Variants in TSKS observed in about 807,000 individuals in gnomAD.
TSKS encodes the protein testis-specific serine kinase substrate.
TSKS carries 27 observed loss-of-function variants against 68.0 expected under a neutral mutation model. The ratio of observed to expected loss-of-function variants is 0.40; its 90% CI spans 0.29 to 0.55. TSKS has a LOEUF of 0.55. Ranked by LOEUF, TSKS falls within the 20% of genes least tolerant of loss-of-function variation. The probability of loss-of-function intolerance (pLI) is 0.53; values close to 1 mark genes in which losing one functional copy is unlikely to be tolerated. For missense variants in TSKS, 806 were observed against 776.0 expected (o/e 1.04, Z -0.46); for synonymous variants, 331 against 340.4 (o/e 0.97, Z 0.30).
intron 2 of TSKS, among the ~76,000 whole-genome samples, chr19:49,757,892 T>TC (rs1305434037): frequency 1.1e-5 from 1 of 93,372 alleles, no homozygotes; most frequent in African/African-American, 5.5e-5. Flanking sequence ...TCTGTCTTCT[T>TC]TTTTTTTTTT....
In TSKS at chr19:49,762,425, CTT is replaced by C. The variant is rs34463626; in HGVS notation, c.171-195_171-194del. ...TACTTTCTTTCTTTTTTCTTTCTTT[CTT>C]TTTTTTTTTTTTTTGAGACAGAGTC... On this transcript the variant is annotated intron_variant, in intron 1 of 10. Coordinates refer to ENST00000246801, the MANE Select transcript of TSKS (RefSeq NM_021733.2). Among the ~76,000 whole-genome samples, 754 of 127,168 alleles carry C rather than the reference CTT, an allele frequency of 5.9e-3. 2 individuals carry two copies. The highest frequency in any genetic ancestry group is 8.5e-3 in the Non-Finnish European group (496 of 58,236). The allele number at this position is 127,168 out of a possible 152,430, so 83.4% of individuals were successfully genotyped here. A position where few individuals can be genotyped will look rare whatever the true frequency, so the allele number is the denominator to read the frequency against.
At chr19:49,760,351 C>T (rs1448939698) in intron 2 of TSKS, among the ~76,000 whole-genome samples, 1 of 151,456 alleles carries the variant, frequency 6.6e-6, no homozygotes. Context: ...GACAGACTCT[C>T]GCTGTGTCGC....
intron 2 of TSKS, 63 bp downstream of exon 2, chr19:49,761,941 T>G: frequency 2.4e-5 from 32 of 1,358,718 alleles, no homozygotes; most frequent in Middle Eastern, 2.5e-4. Flanking sequence ...CCGTCCTAAG[T>G]ATTTGCTACC....
Position 49,745,243 on chromosome 19 carries a change from G to A in TSKS, c.1146C>T (p.Asp382=). Residue 382 remains aspartate, a synonymous_variant, in exon 7 of 11, where the codon GAC becomes GAT. Transcript: ENST00000246801. ...CCGCCCGACCTCGCAGCTCCTGCAA[G>A]TCCCGCGCCGTCTGTGCCTGTTCGC... is the stretch of plus-strand genomic sequence containing the variant. ...AQREQAQTAR[D]LQELRGRADE... is the part of the protein sequence containing the mutation. 1.9e-6 allele frequency: 3 copies of A among 1,607,584 alleles called. No individual in the cohort carries two copies. Among genetic ancestry groups the A allele is most frequent in the Non-Finnish European group, 2.5e-6 (3 of 1,178,512 alleles).
In TSKS at chr19:49,745,311, C is replaced by G; in HGVS notation, c.1078G>C (p.Gly360Arg). 1 of 1,604,328 alleles carries G rather than the reference C, an allele frequency of 6.2e-7. No individual in the cohort carries two copies. The highest frequency in any genetic ancestry group is 8.5e-7 in the Non-Finnish European group (1 of 1,179,246). ...EALRLLGGLG[G>R]RVDGFLGQWE... ...TGGCCTAGGAAGCCGTCGACCCTGC[C>G]GCCCAGGCCCCCGAGCAGCCGCAGG... Residue 360 changes from glycine to arginine, a missense_variant, in exon 7 of 11, where the codon GGC (glycine) becomes CGC (arginine). By Grantham distance (125) the Gly-to-Arg change is moderately radical. Transcript: ENST00000246801.
chr19:49,746,732 G>T lies in TSKS; in HGVS notation c.730C>A (p.Gln244Lys). Reference sequence around the variant, plus strand: ...GGCTCCTGCTTCTCCTCCGGCTCCTGCAGCTCGGCCTCCTGCCGTCGCGGC... The same window carrying T: ...GGCTCCTGCTTCTCCTCCGGCTCCTTCAGCTCGGCCTCCTGCCGTCGCGGC... ...ETPRRQEAEL[Q>K]EPEEKQEPEE... is the part of the protein sequence containing the mutation. The change falls in exon 6 of 11, where the codon CAG (glutamine) becomes AAG (lysine). Residue 244 changes from glutamine to lysine, a missense_variant. Gln to Lys is a moderately conservative substitution (Grantham distance 53, BLOSUM62 1). Transcript: ENST00000246801. The T allele has an allele frequency of 6.2e-7, 1 of 1,601,968 alleles. No individual in the cohort carries two copies. Among genetic ancestry groups the T allele is most frequent in the South Asian group, 1.1e-5 (1 of 90,918 alleles).
chr19:49,745,188 G>GC lies in TSKS; in HGVS notation c.1187+13dup. The stretch of plus-strand genomic sequence containing the variant: ...CCCCTTCCGGTCTTCCCATGCACTG[G>GC]CCCCAATCCTCACATGGTGCACAGC... On this transcript the variant is annotated intron_variant, in intron 7 of 10. Coordinates refer to ENST00000246801, the MANE Select transcript of TSKS (RefSeq NM_021733.2). 6.4e-7 allele frequency: 1 copy of GC among 1,564,948 alleles called. No individual in the cohort carries two copies. Among genetic ancestry groups the GC allele is most frequent in the Non-Finnish European group, 8.7e-7 (1 of 1,150,174 alleles).
chr19:49,759,366 G>A (rs538751910), intron 2 of TSKS, among the ~76,000 whole-genome samples: 207 of 151,752 alleles, frequency 1.4e-3, no homozygotes, highest in African/African-American at 4.8e-3. Flanking sequence ...CTACTCGGGA[G>A]GCTGAGGCAG....
chr19:49,762,213 G>A lies in TSKS; in HGVS notation c.190C>T (p.His64Tyr), dbSNP rs2084448389. Residue 64 changes from histidine to tyrosine, a missense_variant, in exon 2 of 11, where the codon CAT becomes TAT. Physicochemically the swap from His to Tyr is moderately conservative, Grantham distance 83. Coordinates refer to ENST00000246801, the MANE Select transcript of TSKS (RefSeq NM_021733.2). ...TTCAGGCACCAGTGCATGGGCTGAT[G>A]GGACATCTGGGGCTCCACCCTGCAG... The part of the protein sequence containing the change: ...SFHGVEPQMS[H>Y]QPMHWCLNLK... The A allele has an allele frequency of 1.2e-6, 2 of 1,613,804 alleles. No individual in the cohort carries two copies. Among genetic ancestry groups the A allele is most frequent in the Non-Finnish European group, 1.7e-6 (2 of 1,179,986 alleles).
intron 2 of TSKS, among the ~76,000 whole-genome samples, chr19:49,755,417 G>A (rs140984732): frequency 6.8e-4 from 103 of 152,174 alleles, no homozygotes; most frequent in Admixed American, 1.5e-3. Flanking sequence ...TCCAGGGGCC[G>A]GGCCAAGTGA....
rs746682196 is a variant in TSKS, at chr19:49,742,019, G to T, written c.1363C>A (p.Gln455Lys). Residue 455 changes from glutamine to lysine, a missense_variant and splice_region_variant, in exon 9 of 11, where the codon CAG becomes AAG. Transcript: ENST00000246801. ...GACTCCGTAGACAACTGCGACCCCT[G>T]GCTGGGGGAGGGGCGGTCACCAGAT... Reference protein sequence around the residue: ...HQGNCARCASQGSQLSTESLQ... With the variant: ...HQGNCARCASKGSQLSTESLQ... 6.2e-7 allele frequency: 1 copy of T among 1,613,804 alleles called. No homozygotes were observed. The highest frequency in any genetic ancestry group is 1.7e-5 in the Admixed American group (1 of 60,006).
intron 1 of TSKS, among the ~76,000 whole-genome samples, chr19:49,762,717 G>A (rs530170215): frequency 4.0e-5 from 6 of 151,120 alleles, no homozygotes; most frequent in Non-Finnish European, 8.9e-5. Flanking sequence ...GTGAGCCACC[G>A]TGCCCGACCA....
At chr19:49,747,909 A>G (rs1323483701) in intron 4 of TSKS, among the ~76,000 whole-genome samples, 176 bp downstream of exon 4, 1 of 152,126 alleles carries the variant, frequency 6.6e-6, no homozygotes, top group African/African-American at 2.4e-5. Flanking sequence ...GGGTTTCACC[A>G]TGTTGGCCAG....
intron 8 of TSKS, among the ~76,000 whole-genome samples, chr19:49,742,436 TCTGCCCAC>T (rs1426243052): frequency 1.3e-5 from 2 of 151,024 alleles, no homozygotes; most frequent in Non-Finnish European, 2.9e-5. Context: ...GACCTCGTGA[TCTGCCCAC>T]CTCGGCCTCC....
chr19:49,742,052 C>A (rs753670663), intron 8 of TSKS, 32 bp from the exon 9 acceptor site: 1 of 1,609,952 alleles, frequency 6.2e-7, no homozygotes, highest in East Asian at 2.2e-5. Flanking sequence ...GATAAAGAGG[C>A]CCAGTACCAA....
At chr19:49,762,362 T>C (rs2084449812) in intron 1 of TSKS, 130 bp from the exon 2 acceptor site, 1 of 633,300 alleles carries the variant, frequency 1.6e-6, no homozygotes, top group Non-Finnish European at 2.7e-6. Context: ...CCCTTCTCTG[T>C]CCCCGCTGCC....
At chr19:49,743,849 G>A (rs1185504053) in intron 8 of TSKS, among the ~76,000 whole-genome samples, 2 of 151,180 alleles carry the variant, frequency 1.3e-5, no homozygotes, top group Non-Finnish European at 2.9e-5. Flanking sequence ...TGGGATTACA[G>A]GCACGCGCCA....
intron 2 of TSKS, among the ~76,000 whole-genome samples, chr19:49,758,707 A>C (rs1444968251): frequency 6.6e-6 from 1 of 151,686 alleles, no homozygotes; most frequent in African/African-American, 2.4e-5. Flanking sequence ...TCCCCTCCAA[A>C]CATCCCCCAC....
intron 2 of TSKS, among the ~76,000 whole-genome samples, chr19:49,755,551 C>T (rs1266971804): frequency 6.6e-6 from 1 of 152,046 alleles, no homozygotes; most frequent in Non-Finnish European, 1.5e-5. Flanking sequence ...AATAAGAAGG[C>T]TGGACATGGT....
Sources: allele counts gnomAD v4.1 joint callset (sites outside exome capture counted in the v4.1 genomes callset), GRCh38; gene constraint gnomAD v4.1.1; transcripts MANE v1.5; gene names NCBI Gene and HGNC (gene_info 2026-07-23, HGNC 2026-07-21).